Variants in FGL1 observed in about 807,000 individuals in gnomAD.
The protein encoded by FGL1 is fibrinogen-like protein 1.
FGL1 carries 59 observed loss-of-function variants against 43.7 expected under a neutral mutation model. That is an observed-to-expected ratio of 1.35 (90% confidence interval 1.10 to 1.68). The LOEUF (loss-of-function observed/expected upper bound fraction) is 1.68, where lower values mean the gene tolerates loss of function less well. Ranked by LOEUF, FGL1 falls within the 40% of genes most tolerant of loss-of-function variation. FGL1 has a pLI of 0.00. For missense variants in FGL1, 596 were observed against 373.0 expected (o/e 1.60, Z -4.92); for synonymous variants, 192 against 126.5 (o/e 1.52, Z -3.48).
At chr8:17,868,356 C>A (rs1042186621) in intron 7 of FGL1, 192 bp downstream of exon 7, 1 of 402,560 alleles carries the variant, frequency 2.5e-6, no homozygotes, top group Non-Finnish European at 4.3e-6. Flanking sequence ...GACATTTACA[C>A]TTTACTAATG....
Position 17,864,449 on chromosome 8 carries a change from T to G in FGL1, c.*143A>C, listed in dbSNP as rs2053238089. 1.2e-6 allele frequency: 1 copy of G among 818,830 alleles called. No homozygotes were observed. The highest frequency in any genetic ancestry group is 1.8e-6 in the Non-Finnish European group (1 of 541,060). 50.7% of individuals were successfully genotyped at this position (818,830 alleles called of 1,614,324 possible). On this transcript the variant is annotated 3_prime_UTR_variant, in exon 8 of 8. Coordinates refer to ENST00000427924, the MANE Select transcript of FGL1 (RefSeq NM_004467.4). ...CATATCTGCTGTACTGAAAGCACAT[T>G]AAGTAACAAAGGCAAGTGAGAAGAA...
chr8:17,873,702 CTT>C (rs10617519), intron 5 of FGL1, among the ~76,000 whole-genome samples: 107,953 of 148,900 alleles, frequency 0.73, 39,632 homozygotes, highest in Non-Finnish European at 0.79. Flanking sequence ...CATATAGCGA[CTT>C]ATATTCTATA....
At chr8:17,880,319 A>G (rs1216563822) in intron 3 of FGL1, among the ~76,000 whole-genome samples, 2 of 152,360 alleles carry the variant, frequency 1.3e-5, no homozygotes, top group East Asian at 1.9e-4. Context: ...TAAGAGTCTC[A>G]TGCGCTACAG....
At chr8:17,871,499 A>C (rs534031135) in intron 5 of FGL1, among the ~76,000 whole-genome samples, 16 of 151,212 alleles carry the variant, frequency 1.1e-4, no homozygotes, top group Middle Eastern at 3.4e-3. Flanking sequence ...CTCAAAAAAA[A>C]AAACAAAAAA....
At chr8:17,890,249 A>G (rs1317497557) in intron 1 of FGL1, among the ~76,000 whole-genome samples, 1 of 152,206 alleles carries the variant, frequency 6.6e-6, no homozygotes, top group Non-Finnish European at 1.5e-5. Context: ...AAGATTCCAA[A>G]CAATTTTTTA....
chr8:17,891,480 T>G (rs2053704013), intron 1 of FGL1: 1 of 154,314 alleles, frequency 6.5e-6, no homozygotes, highest in South Asian at 2.0e-4. Flanking sequence ...TATAAGGACA[T>G]CGGTCATTGG....
chr8:17,886,133 T>C (rs574049226), intron 1 of FGL1, among the ~76,000 whole-genome samples: 21 of 152,310 alleles, frequency 1.4e-4, no homozygotes, highest in Non-Finnish European at 2.8e-4. Flanking sequence ...CCAATAACTG[T>C]TGTTGCTTCT....
At chr8:17,868,788 A>T (rs2053311802) in intron 6 of FGL1, 53 bp from the exon 7 acceptor site, 14 of 1,531,356 alleles carry the variant, frequency 9.1e-6, no homozygotes, top group Non-Finnish European at 1.2e-5. Context: ...TGACCATTTT[A>T]AAATTAAGTT....
intron 2 of FGL1, among the ~76,000 whole-genome samples, chr8:17,882,863 A>C (rs1585143478): frequency 1.7e-5 from 2 of 115,570 alleles, no homozygotes; most frequent in Admixed American, 2.1e-4. Context: ...TATCATATAT[A>C]ATATATTAAA....
rs200344509 is a variant in FGL1, at chr8:17,876,048, T to A, written c.245-1527A>T. Among the ~76,000 whole-genome samples the A allele has an allele frequency of 5.9e-5, 9 of 152,232 alleles. No individual in the cohort carries two copies. The East Asian group carries it at 1.7e-3, about 29-fold the overall frequency. On this transcript the variant is annotated intron_variant, in intron 3 of 7. Transcript: ENST00000427924. ...TGTTCAGATGCATAGAAAGCTAGGTTTTAGGATGATTGAAGTAGTGGTCAC... is the reference window on the plus strand; with the variant it reads ...TGTTCAGATGCATAGAAAGCTAGGTATTAGGATGATTGAAGTAGTGGTCAC...
At chr8:17,890,085 T>C (rs2131746409) in intron 1 of FGL1, among the ~76,000 whole-genome samples, 1 of 152,354 alleles carries the variant, frequency 6.6e-6, no homozygotes, top group Non-Finnish European at 1.5e-5. Context: ...ACGATGTCTT[T>C]AGAAGACACA....
At chr8:17,867,181 A>G (rs968350977) in intron 7 of FGL1, among the ~76,000 whole-genome samples, 5 of 152,204 alleles carry the variant, frequency 3.3e-5, no homozygotes, top group African/African-American at 9.6e-5. Context: ...GCCTGAAACT[A>G]CAGATAATAC....
intron 1 of FGL1, among the ~76,000 whole-genome samples, chr8:17,894,952 A>G (rs1782724072): frequency 6.7e-6 from 1 of 149,194 alleles, no homozygotes; most frequent in African/African-American, 2.5e-5. Flanking sequence ...GCTTAGCATT[A>G]GATTTAGTAA....
intron 5 of FGL1, among the ~76,000 whole-genome samples, chr8:17,870,862 C>T (rs192495471): frequency 9.9e-5 from 15 of 151,718 alleles, no homozygotes; most frequent in East Asian, 7.8e-4. Flanking sequence ...GCCGAGATCG[C>T]GCCACTGCAC....
At chr8:17,884,410 G>A (rs1486609327) in intron 2 of FGL1, among the ~76,000 whole-genome samples, 1 of 152,066 alleles carries the variant, frequency 6.6e-6, no homozygotes, top group Admixed American at 6.5e-5. Flanking sequence ...GCCCAGTCTG[G>A]TCTCAAACTT....
chr8:17,889,948 CAG>C (rs1476776366), intron 1 of FGL1, among the ~76,000 whole-genome samples: 2 of 152,170 alleles, frequency 1.3e-5, no homozygotes, highest in Non-Finnish European at 2.9e-5. Flanking sequence ...CTTACTTGAT[CAG>C]AGAGAGAACA....
intron 1 of FGL1, 175 bp downstream of exon 1, chr8:17,895,272 A>G: frequency 9.8e-7 from 1 of 1,017,426 alleles, no homozygotes; most frequent in Non-Finnish European, 1.2e-6. Context: ...CTGTAACAAA[A>G]GATACATAAT....
At chr8:17,885,381 A>G (rs998475761) in intron 2 of FGL1, 111 bp downstream of exon 2, 6 of 868,544 alleles carry the variant, frequency 6.9e-6, no homozygotes, top group African/African-American at 3.4e-5. Context: ...CTTTTCCCAC[A>G]TAGTTAAGTT....
intron 1 of FGL1, chr8:17,891,145 A>G (rs1393413540): frequency 1.3e-5 from 2 of 152,194 alleles, no homozygotes; most frequent in Non-Finnish European, 2.9e-5. Flanking sequence ...TATTATGTAT[A>G]CTGCCCTAAT....
Sources: allele counts gnomAD v4.1 joint callset (sites outside exome capture counted in the v4.1 genomes callset), GRCh38; gene constraint gnomAD v4.1.1; transcripts MANE v1.5; gene names NCBI Gene and HGNC (gene_info 2026-07-23, HGNC 2026-07-21).